Variants in NGF observed in about 807,000 individuals in gnomAD.
NGF encodes the protein beta-nerve growth factor.
Under a neutral mutation model 12.8 loss-of-function variants are expected in NGF, and 4 were observed. The observed-to-expected ratio is 0.31, with a 90% CI of 0.15 to 0.72. NGF has a LOEUF of 0.72. Among genes scored for constraint, NGF ranks in the 30% least tolerant of loss-of-function variants. The pLI is 0.69. For synonymous variants in NGF, 140 were observed against 130.0 expected, an observed-to-expected ratio of 1.08 and a Z score of -0.52; for missense variants, 283 against 330.8, an observed-to-expected ratio of 0.86 and a Z score of 1.12.
chr1:115,337,313 G>T, intron 1 of NGF, among the ~76,000 whole-genome samples: 2 of 81,474 alleles, frequency 2.5e-5, no homozygotes, highest in Non-Finnish European at 2.3e-5. Context: ...TTTAGAAGGA[G>T]GTTTGTAATT....
intron 1 of NGF, among the ~76,000 whole-genome samples, chr1:115,329,080 G>C (rs1251806714): frequency 6.6e-6 from 1 of 151,926 alleles, no homozygotes; most frequent in Non-Finnish European, 1.5e-5. Context: ...AGAGGAGAAG[G>C]AAGTAGAAAG....
At chr1:115,311,318 G>C (rs1368889665) in intron 1 of NGF, among the ~76,000 whole-genome samples, 2 of 152,312 alleles carry the variant, frequency 1.3e-5, no homozygotes, top group Admixed American at 6.5e-5. Flanking sequence ...ACTTGGAGTT[G>C]TCATCCAGAT....
At chr1:115,330,255 A>T (rs1654880927) in intron 1 of NGF, among the ~76,000 whole-genome samples, 1 of 152,112 alleles carries the variant, frequency 6.6e-6, no homozygotes, top group Non-Finnish European at 1.5e-5. Flanking sequence ...TGACAAAGCC[A>T]TTTGCTTGGA....
intron 1 of NGF, among the ~76,000 whole-genome samples, chr1:115,314,599 A>G (rs1240872052): frequency 1.3e-5 from 2 of 152,228 alleles, no homozygotes; most frequent in Non-Finnish European, 2.9e-5. Flanking sequence ...GAACTGCAGG[A>G]ATTACAGATG....
chr1:115,332,185 C>T (rs1363720342), intron 1 of NGF, among the ~76,000 whole-genome samples: 2 of 152,190 alleles, frequency 1.3e-5, no homozygotes, highest in African/African-American at 4.8e-5. Flanking sequence ...CATGGTCATT[C>T]TCAAGAAATG....
At chr1:115,296,024 T>C (rs1028116151) in intron 1 of NGF, among the ~76,000 whole-genome samples, 2 of 152,188 alleles carry the variant, frequency 1.3e-5, no homozygotes, top group Non-Finnish European at 2.9e-5. Flanking sequence ...ATATGTGACA[T>C]GATATGAAAA....
At chr1:115,337,669 C>G (rs1655170564) in intron 1 of NGF, among the ~76,000 whole-genome samples, 2 of 152,142 alleles carry the variant, frequency 1.3e-5, no homozygotes, top group Non-Finnish European at 1.5e-5. Flanking sequence ...GCTGAGGGAA[C>G]TGCCCCAGGT....
chr1:115,298,176 G>A (rs984783676), intron 1 of NGF, among the ~76,000 whole-genome samples: 1 of 152,174 alleles, frequency 6.6e-6, no homozygotes, highest in Non-Finnish European at 1.5e-5. Flanking sequence ...ATTGACATTT[G>A]TGAATTGGAA....
At chr1:115,296,096 A>G (rs1233814756) in intron 1 of NGF, among the ~76,000 whole-genome samples, 7 of 152,108 alleles carry the variant, frequency 4.6e-5, no homozygotes, top group Non-Finnish European at 1.0e-4. Flanking sequence ...TTCATAGAGG[A>G]GGTAACATCT....
At chr1:115,290,112 G>T (rs954731873) in intron 2 of NGF, among the ~76,000 whole-genome samples, 10 of 152,118 alleles carry the variant, frequency 6.6e-5, no homozygotes, top group Admixed American at 2.6e-4. Flanking sequence ...AGTAGGGACT[G>T]CTCTGCCTGG....
chr1:115,326,160 TAAG>T (rs1429877328), intron 1 of NGF, among the ~76,000 whole-genome samples: 1 of 151,846 alleles, frequency 6.6e-6, no homozygotes. Context: ...GTTCAGAGAA[TAAG>T]GAGAAGCCAG....
chr1:115,316,449 A>G (rs1204728080), intron 1 of NGF, among the ~76,000 whole-genome samples: 2 of 152,224 alleles, frequency 1.3e-5, no homozygotes, highest in Non-Finnish European at 1.5e-5. Context: ...CATCTTTAAA[A>G]GAAAAATGAA....
chr1:115,308,294 G>A (rs1654253142), intron 1 of NGF, among the ~76,000 whole-genome samples: 1 of 152,216 alleles, frequency 6.6e-6, no homozygotes, highest in African/African-American at 2.4e-5. Context: ...ACAGGCTGAT[G>A]AAGGCTATAG....
chr1:115,333,499 TA>T lies in NGF; in HGVS notation c.-137+4704del, dbSNP rs34024301. On this transcript the variant is annotated intron_variant, in intron 1 of 2. Transcript: ENST00000369512. ...GTCTGACTCTGACTAATAGTACTAC[TA>T]AAAAAAAAAAAAAAAAAAAAAAGAC... 3.5e-3 allele frequency among the ~76,000 whole-genome samples: 265 copies of T among 76,590 alleles called. 1 individual carries two copies. The highest frequency in any genetic ancestry group is 7.7e-3 in the Middle Eastern group (1 of 130). The allele number at this position is 76,590 out of a possible 152,430, so 50.2% of individuals were successfully genotyped here.
intron 1 of NGF, among the ~76,000 whole-genome samples, chr1:115,324,810 C>T (rs1654729465): frequency 6.6e-6 from 1 of 152,142 alleles, no homozygotes; most frequent in Non-Finnish European, 1.5e-5. Context: ...GATCTCTTCT[C>T]CTAACATTCT....
intron 1 of NGF, among the ~76,000 whole-genome samples, chr1:115,320,698 A>C (rs1336084735): frequency 6.6e-6 from 1 of 152,256 alleles, no homozygotes; most frequent in African/African-American, 2.4e-5. Flanking sequence ...TCGGACCACA[A>C]CTGATCCCAG....
At chr1:115,299,960 C>G (rs1653984507) in intron 1 of NGF, among the ~76,000 whole-genome samples, 1 of 152,164 alleles carries the variant, frequency 6.6e-6, no homozygotes, top group Non-Finnish European at 1.5e-5. Context: ...GTAATCATAA[C>G]AGCACCTATG....
intron 1 of NGF, among the ~76,000 whole-genome samples, chr1:115,295,319 C>T (rs1653832941): frequency 6.6e-6 from 1 of 152,170 alleles, no homozygotes; most frequent in East Asian, 1.9e-4. Flanking sequence ...AGTCTTCTTG[C>T]TCCAGAAAGT....
chr1:115,297,817 G>A (rs2101029871), intron 1 of NGF, among the ~76,000 whole-genome samples: 2 of 152,234 alleles, frequency 1.3e-5, no homozygotes, highest in South Asian at 4.1e-4. Context: ...AATCTTCTGG[G>A]AAGCTTTCCA....
Sources: allele counts gnomAD v4.1 joint callset (sites outside exome capture counted in the v4.1 genomes callset), GRCh38; gene constraint gnomAD v4.1.1; transcripts MANE v1.5; gene names NCBI Gene and HGNC (gene_info 2026-07-23, HGNC 2026-07-21).